LRRFIP1: variants seen among roughly 807,000 people sequenced by gnomAD.
LRRFIP1 encodes leucine-rich repeat flightless-interacting protein 1.
Under a neutral mutation model 104.4 loss-of-function variants are expected in LRRFIP1, and 62 were observed. The observed-to-expected ratio is 0.59, with a 90% CI of 0.48 to 0.73. The LOEUF is 0.73. Among genes scored for constraint, LRRFIP1 ranks in the 30% least tolerant of loss-of-function variants. The probability of loss-of-function intolerance (pLI) is 0.00; values close to 1 mark genes in which losing one functional copy is unlikely to be tolerated. For missense variants in LRRFIP1, 796 were observed against 824.5 expected (o/e 0.97, Z 0.42); for synonymous variants, 300 against 299.0 (o/e 1.00, Z -0.03).
chr2:237,648,288 T>C (rs1055569111), intron 1 of LRRFIP1, among the ~76,000 whole-genome samples: 9 of 151,964 alleles, frequency 5.9e-5, no homozygotes, highest in Non-Finnish European at 1.3e-4. Context: ...ATTCAGAGCA[T>C]GTTTTCCCGA....
In LRRFIP1 at chr2:237,760,294, G is replaced by A. The variant is rs571550500; in HGVS notation, c.1459+89G>A. The A allele has an allele frequency of 3.0e-3, 4,252 of 1,416,868 alleles. 14 individuals carry two copies. Among genetic ancestry groups the A allele is most frequent in the Non-Finnish European group, 3.3e-3 (3,462 of 1,033,868 alleles). The allele number at this position is 1,416,868 out of a possible 1,614,324, so 87.8% of individuals were successfully genotyped here. On this transcript the variant is annotated intron_variant, in intron 19 of 23. Transcript: ENST00000308482. ...CACTGCTGGGGTTGGAGCCACCGTC[G>A]CTGATGGGTTAACAGTCACCAGCAT...
chr2:237,749,286 A>G lies in LRRFIP1; in HGVS notation c.757A>G (p.Ile253Val), dbSNP rs947834650. The change falls in exon 13 of 24, where the codon ATC (isoleucine) becomes GTC (valine). Residue 253 changes from isoleucine to valine, a missense_variant. Physicochemically the swap from Ile to Val is conservative, Grantham distance 29 (BLOSUM62 3). Transcript: ENST00000308482. ...TCGGAGAGGCAGCGGAGACACCTCC[A>G]TCTCCATCGACACCGAGGCATCCAT... is the stretch of plus-strand genomic sequence containing the variant. The part of the protein sequence containing the change: ...SSRRGSGDTS[I>V]SIDTEASIRE... The G allele has an allele frequency of 2.5e-6, 4 of 1,613,746 alleles. No homozygotes were observed. The highest frequency in any genetic ancestry group is 3.4e-6 in the Non-Finnish European group (4 of 1,179,910).
chr2:237,767,549 A>G (rs1472554801), intron 19 of LRRFIP1, among the ~76,000 whole-genome samples: 1 of 152,226 alleles, frequency 6.6e-6, no homozygotes, highest in East Asian at 1.9e-4. Flanking sequence ...GTTGTTATAC[A>G]AAGTTGGGAC....
At chr2:237,701,579 G>A (rs560925011) in intron 1 of LRRFIP1, among the ~76,000 whole-genome samples, 2 of 152,306 alleles carry the variant, frequency 1.3e-5, no homozygotes, top group Admixed American at 6.5e-5. Flanking sequence ...TCCCTGACCC[G>A]GAAGAAGGGA....
In LRRFIP1 at chr2:237,766,837, C is replaced by A. The variant is rs151208623; in HGVS notation, c.1460-3106C>A. 1.2e-4 allele frequency among the ~76,000 whole-genome samples: 19 copies of A among 152,302 alleles called. No individual in the cohort carries two copies. Among genetic ancestry groups the A allele is most frequent in the African/African-American group, 4.3e-4 (18 of 41,576 alleles). The stretch of plus-strand genomic sequence containing the variant: ...CCAGTGTAATGACTTTATAGCCAAG[C>A]ACAGTAATTGATATTACTGTGAAGG... On this transcript the variant is annotated intron_variant, in intron 19 of 23. Transcript: ENST00000308482. The surrounding 1 kb of genome is among the most constrained non-coding windows in gnomAD (Gnocchi z 4.8).
rs547768893 is a variant in LRRFIP1, at chr2:237,766,028, G to A, written c.1460-3915G>A. Reference sequence around the variant, plus strand: ...GGTTGCTGATTCCTATTGGGGTTCCGTGGAAGACCCACGCCTGATGCCCTC... The same window carrying A: ...GGTTGCTGATTCCTATTGGGGTTCCATGGAAGACCCACGCCTGATGCCCTC... On this transcript the variant is annotated intron_variant, in intron 19 of 23. Transcript: ENST00000308482. The surrounding 1 kb of genome is among the most constrained non-coding windows in gnomAD (Gnocchi z 4.8). The A allele has an allele frequency of 8.7e-5, 52 of 595,658 alleles. 1 individual carries two copies. In the East Asian group the frequency reaches 1.4e-3, roughly 16 times the overall value. The allele number at this position is 595,658 out of a possible 1,614,324, so 36.9% of individuals were successfully genotyped here. A position where few individuals can be genotyped will look rare whatever the true frequency, so the allele number is the denominator to read the frequency against.
intron 1 of LRRFIP1, 145 bp from the exon 2 acceptor site, chr2:237,708,399 C>A (rs1347231840): frequency 3.3e-6 from 2 of 614,370 alleles, no homozygotes; most frequent in Non-Finnish European, 5.8e-6. Flanking sequence ...CTCCTGACCA[C>A]CCTTTTACTC....
intron 1 of LRRFIP1, among the ~76,000 whole-genome samples, chr2:237,678,473 T>A (rs1333098640): frequency 6.6e-6 from 1 of 152,062 alleles, no homozygotes; most frequent in Non-Finnish European, 1.5e-5. Context: ...TGTGACTGGG[T>A]ACATCAGATT....
chr2:237,720,883 C>A, intron 6 of LRRFIP1, 61 bp downstream of exon 6: 1 of 1,420,158 alleles, frequency 7.0e-7, no homozygotes, highest in Non-Finnish European at 1.0e-6. Flanking sequence ...CCTTTACTTT[C>A]TCATCCCCGC....
At chr2:237,668,540 T>C (rs1423699793) in intron 1 of LRRFIP1, among the ~76,000 whole-genome samples, 1 of 152,198 alleles carries the variant, frequency 6.6e-6, no homozygotes, top group East Asian at 1.9e-4. Flanking sequence ...CCCTCCTTCC[T>C]GCCTCTCTCC....
At chr2:237,645,148 C>G (rs1247856629) in intron 1 of LRRFIP1, among the ~76,000 whole-genome samples, 1 of 152,250 alleles carries the variant, frequency 6.6e-6, no homozygotes, top group Non-Finnish European at 1.5e-5. Flanking sequence ...GAGGTTAGAA[C>G]CATCACCATC....
intron 1 of LRRFIP1, among the ~76,000 whole-genome samples, chr2:237,694,997 C>T (rs1170176530): frequency 6.6e-6 from 1 of 152,184 alleles, no homozygotes; most frequent in Non-Finnish European, 1.5e-5. Context: ...GCCAGGGTCC[C>T]CAGGTGTGGG....
Position 237,648,504 on chromosome 2 carries a change from G to T in LRRFIP1, c.96+20764G>T, listed in dbSNP as rs535663706. 8.4e-4 allele frequency among the ~76,000 whole-genome samples: 127 copies of T among 151,432 alleles called. 1 individual carries two copies. The highest frequency in any genetic ancestry group is 1.5e-3 in the Non-Finnish European group (105 of 67,764). ...GTGCTTTGGGAGGCCAAGGTGGGAGGATCCCTTGAGGCCAGGAGTTTGAGA... is the reference window on the plus strand; with the variant it reads ...GTGCTTTGGGAGGCCAAGGTGGGAGTATCCCTTGAGGCCAGGAGTTTGAGA... On this transcript the variant is annotated intron_variant, in intron 1 of 23. Coordinates refer to ENST00000308482, the MANE Select transcript of LRRFIP1 (RefSeq NM_001137550.2).
Position 237,770,419 on chromosome 2 carries a change from C to A in LRRFIP1, c.1509+427C>A, listed in dbSNP as rs1322364092. 6 of 168,452 alleles carry A rather than the reference C, an allele frequency of 3.6e-5. No individual in the cohort carries two copies. In the East Asian group the frequency reaches 6.5e-4, roughly 18 times the overall value. 10.4% of individuals were successfully genotyped at this position (168,452 alleles called of 1,614,324 possible). ...AGTTTTGTACTCTTGGTGATCAGCA[C>A]CCCTCTCTCACAGGTGTTTCTTTGT... On this transcript the variant is annotated intron_variant, in intron 20 of 23. Transcript: ENST00000308482.
At chr2:237,704,151 CTTTTTTTTT>C (rs397946161) in intron 1 of LRRFIP1, among the ~76,000 whole-genome samples, 1 of 124,020 alleles carries the variant, frequency 8.1e-6, no homozygotes, top group Non-Finnish European at 1.6e-5. Context: ...TGCAGATGTT[CTTTTTTTTT>C]TTTTTTTTTC....
chr2:237,677,848 C>T (rs898346666), intron 1 of LRRFIP1, among the ~76,000 whole-genome samples: 6 of 152,084 alleles, frequency 3.9e-5, no homozygotes, highest in Admixed American at 1.3e-4. Context: ...CCCCCAGAGA[C>T]GAAGATGCTG....
Position 237,643,720 on chromosome 2 carries a change from A to G in LRRFIP1, c.96+15980A>G, listed in dbSNP as rs1575095423. Among the ~76,000 whole-genome samples the G allele has an allele frequency of 2.7e-5, 4 of 147,350 alleles. No homozygotes were observed. In the South Asian group the frequency reaches 8.8e-4, roughly 32 times the overall value. Reference sequence around the variant, plus strand: ...TAGTGGCAGAAAAGTGAGTGAGTGAATGAATACAGGAACAGATGAATGAAT... The same window carrying G: ...TAGTGGCAGAAAAGTGAGTGAGTGAGTGAATACAGGAACAGATGAATGAAT... On this transcript the variant is annotated intron_variant, in intron 1 of 23. Coordinates refer to ENST00000308482, the MANE Select transcript of LRRFIP1 (RefSeq NM_001137550.2).
intron 23 of LRRFIP1, among the ~76,000 whole-genome samples, chr2:237,776,505 G>A (rs1317783157): frequency 6.6e-6 from 1 of 152,116 alleles, no homozygotes. Flanking sequence ...TAAATTCTCA[G>A]TAGCTGATAG....
intron 1 of LRRFIP1, among the ~76,000 whole-genome samples, chr2:237,673,016 A>T (rs767281451): frequency 6.6e-6 from 1 of 152,216 alleles, no homozygotes; most frequent in African/African-American, 2.4e-5. Flanking sequence ...CGAAGAACAG[A>T]CTTACCACAC....
Sources: gnomAD v4.1 joint callset for allele counts (sites outside exome capture counted in the v4.1 genomes callset) on GRCh38, gnomAD v4.1.1 for gene constraint, Gnocchi (gnomAD v3.1) non-coding constraint, MANE v1.5 for transcripts, NCBI Gene and HGNC (gene_info 2026-07-23, HGNC 2026-07-21) for gene names.